The following EIF2AK1 variants were observed in gnomAD, a reference collection of about 807,000 sequenced individuals.
The protein encoded by EIF2AK1 is eukaryotic translation initiation factor 2 alpha kinase 1.
A neutral mutation model predicts 77.9 loss-of-function variants in EIF2AK1; 54 were observed. That is an observed-to-expected ratio of 0.69 (90% CI 0.56 to 0.87). The LOEUF (loss-of-function observed/expected upper bound fraction) is 0.87. Ranked by LOEUF, EIF2AK1 falls within the 40% of genes least tolerant of loss-of-function variation. The pLI, the probability that EIF2AK1 is intolerant of heterozygous loss-of-function variation, is 0.00. For missense variants in EIF2AK1, 810 were observed against 768.6 expected (o/e 1.05, Z -0.64); for synonymous variants, 314 against 290.5 (o/e 1.08, Z -0.82).
intron 11 of EIF2AK1, chr7:6,031,233 C>T: frequency 1.3e-6 from 1 of 799,940 alleles, no homozygotes; most frequent in Non-Finnish European, 2.0e-6. Context: ...CGCTTGGTTC[C>T]AAACTGATGG....
Position 6,041,081 on chromosome 7 carries a change from A to G in EIF2AK1, c.930T>C (p.Asn310=), listed in dbSNP as rs1788283118. The change falls in exon 9 of 15, where the codon AAT becomes AAC. Residue 310 remains asparagine (N), a synonymous_variant. Transcript: ENST00000199389. Reference sequence around the variant, plus strand: ...GTTCACCAGATTCTCTTATGACTAAATTGGTGGTGTACTTCACCGACTTGT... The same window carrying G: ...GTTCACCAGATTCTCTTATGACTAAGTTGGTGGTGTACTTCACCGACTTGT... The part of the protein sequence containing the change: ...QNNKSVKYTT[N]LVIRESGELE... The G allele has an allele frequency of 6.2e-7, 1 of 1,613,964 alleles. No homozygotes were observed. The highest frequency in any genetic ancestry group is 1.7e-5 in the Admixed American group (1 of 59,984).
intron 12 of EIF2AK1, 49 bp downstream of exon 12, chr7:6,028,869 C>A: frequency 3.3e-6 from 5 of 1,494,554 alleles, no homozygotes; most frequent in Non-Finnish European, 4.6e-6. Context: ...ACATGTGCAA[C>A]CATGTCTTTT....
At chr7:6,030,932 G>A (rs17136342) in intron 11 of EIF2AK1, among the ~76,000 whole-genome samples, 32,310 of 152,018 alleles carry the variant, frequency 0.21, 3,687 homozygotes, top group Middle Eastern at 0.33. Flanking sequence ...TTCCTATGCC[G>A]GAGAAAAACT....
rs927097296 is a variant in EIF2AK1 at position 6,036,710 on chromosome 7, T to C, written c.1332+714A>G. On this transcript the variant is annotated intron_variant, in intron 11 of 14. Coordinates refer to ENST00000199389, the MANE Select transcript of EIF2AK1 (RefSeq NM_014413.4). The surrounding 1 kb of genome is among the most constrained non-coding windows in gnomAD (Gnocchi z 4.6). ...TTTGTGGATAAAAATCAAATAGTCA[T>C]TATAGACTTTTCTAAAACAGCAAAA... Among the ~76,000 whole-genome samples the C allele has an allele frequency of 3.3e-5, 5 of 152,124 alleles. No individual in the cohort carries two copies. The highest frequency in any genetic ancestry group is 1.2e-4 in the African/African-American group (5 of 41,430).
In EIF2AK1 at chr7:6,035,536, G is replaced by A. The variant is rs774965410; in HGVS notation, c.1332+1888C>T. On this transcript the variant is annotated intron_variant, in intron 11 of 14. Coordinates refer to ENST00000199389, the MANE Select transcript of EIF2AK1 (RefSeq NM_014413.4). This position sits in a 1 kb window ranked among gnomAD's most constrained non-coding sequence, Gnocchi z 5.5. ...GCAAAACCAGGCAACAGAACGCACA[G>A]GATCCTGACAGACATTCAGAATAGC... 1 of 1,551,212 alleles carries A rather than the reference G, an allele frequency of 6.4e-7. No individual in the cohort carries two copies. Among genetic ancestry groups the A allele is most frequent in the South Asian group, 1.2e-5 (1 of 84,052 alleles).
At chr7:6,058,342 A>T (rs1385909730) in intron 1 of EIF2AK1, 2 of 347,604 alleles carry the variant, frequency 5.8e-6, no homozygotes, top group Non-Finnish European at 1.1e-5. Context: ...ACTTGAGCCC[A>T]GGAGTTGGAG....
intron 1 of EIF2AK1, among the ~76,000 whole-genome samples, chr7:6,056,613 A>AAAAATATATATATATATATATATAT: frequency 2.3e-5 from 1 of 43,738 alleles, no homozygotes; most frequent in Non-Finnish European, 4.7e-5. Flanking sequence ...AAAAAAAAAA[A>AAAAATATATATATATATATATATAT]ATATATATAT....
At chr7:6,045,134 G>A (rs1788410079) in intron 6 of EIF2AK1, among the ~76,000 whole-genome samples, 1 of 149,760 alleles carries the variant, frequency 6.7e-6, no homozygotes, top group South Asian at 2.1e-4. Context: ...TTGAGACAGA[G>A]TCTCACTCTG....
Position 6,023,298 on chromosome 7 carries a change from T to C in EIF2AK1, c.*1375A>G. On this transcript the variant is annotated 3_prime_UTR_variant, in exon 15 of 15. Coordinates refer to ENST00000199389, the MANE Select transcript of EIF2AK1 (RefSeq NM_014413.4). ...GATGCTACCTGGCGTGTTTTTTCTT[T>C]TCAGTGCCGAAGACGCAGATGAAAT... 3 of 1,584,882 alleles carry C rather than the reference T, an allele frequency of 1.9e-6. No homozygotes were observed. Among genetic ancestry groups the C allele is most frequent in the South Asian group, 2.3e-5 (2 of 86,722 alleles).
chr7:6,028,115 TG>T, intron 13 of EIF2AK1: 2 of 347,344 alleles, frequency 5.8e-6, no homozygotes, highest in Non-Finnish European at 1.1e-5. Flanking sequence ...GATTTTGAAA[TG>T]GTAAAGTAGG....
At position 6,041,054 on chromosome 7, in the gene EIF2AK1, A is replaced by G; in HGVS notation, c.957T>C (p.Leu319=). Residue 319 remains leucine, a synonymous_variant, in exon 9 of 15, where the codon CTT becomes CTC. Transcript: ENST00000199389. ...TTTCCTGGAGCTCCAGGGTCGACTC[A>G]AGTTCACCAGATTCTCTTATGACTA... The part of the protein sequence containing the change: ...TNLVIRESGE[L]ESTLELQENG... 3 of 1,614,090 alleles carry G rather than the reference A, an allele frequency of 1.9e-6. No homozygotes were observed. Among genetic ancestry groups the G allele is most frequent in the Non-Finnish European group, 2.5e-6 (3 of 1,180,004 alleles).
intron 2 of EIF2AK1, among the ~76,000 whole-genome samples, chr7:6,052,447 T>C (rs1405711463): frequency 1.3e-5 from 2 of 151,770 alleles, no homozygotes; most frequent in Non-Finnish European, 2.9e-5. Context: ...CAAGAAGCAG[T>C]AGGTGTACAA....
intron 2 of EIF2AK1, 37 bp from the exon 3 acceptor site, chr7:6,050,082 T>G (rs752569565): frequency 6.4e-7 from 1 of 1,558,918 alleles, no homozygotes; most frequent in Non-Finnish European, 8.7e-7. Flanking sequence ...ATTAGAAACA[T>G]CTTTAATAAA....
rs1179680042 is a variant in EIF2AK1 at position 6,040,896 on chromosome 7, G to GCAGACAGAGGTTGACATTT, written c.1114_1115insAAATGTCAACCTCTGTCTG (p.Thr372LysfsTer23). On this transcript the variant is annotated frameshift_variant, in exon 9 of 15. Coordinates refer to ENST00000199389, the MANE Select transcript of EIF2AK1 (RefSeq NM_014413.4). LOFTEE classifies it high-confidence loss of function. ...GGGTCTGGGAAAGTAATCTACCTCT[G>GCAGACAGAGGTTGACATTT]TCTGACCCAAAAAGTTGACATTTTC... 1.2e-6 allele frequency: 2 copies of GCAGACAGAGGTTGACATTT among 1,613,594 alleles called. No homozygotes were observed. The highest frequency in any genetic ancestry group is 2.7e-5 in the African/African-American group (2 of 74,876).
intron 1 of EIF2AK1, among the ~76,000 whole-genome samples, chr7:6,055,704 G>A (rs2128892423): frequency 6.6e-6 from 1 of 151,682 alleles, no homozygotes; most frequent in South Asian, 2.1e-4. Context: ...AACCTAGCTG[G>A]GCACAGTGGC....
At chr7:6,054,401 G>A (rs554424986) in intron 2 of EIF2AK1, 145 bp downstream of exon 2, 11 of 800,056 alleles carry the variant, frequency 1.4e-5, no homozygotes, top group South Asian at 6.3e-5. Context: ...AGGGGGTTTC[G>A]TCATGTTAGC....
rs551991211 is a variant in EIF2AK1, at chr7:6,043,014, A to G, written c.731-21T>C. On this transcript the variant is annotated intron_variant, in intron 7 of 14. Coordinates refer to ENST00000199389, the MANE Select transcript of EIF2AK1 (RefSeq NM_014413.4). ...GTCTGCTGAATGAAAACAAACAACA[A>G]TCATCTTCAAACAGCCCAGTTTTTC... The G allele has an allele frequency of 3.5e-5, 56 of 1,612,572 alleles. No homozygotes were observed. In the East Asian group the frequency reaches 1.2e-3, roughly 34 times the overall value.
At chr7:6,054,393 G>C (rs1324328575) in intron 2 of EIF2AK1, among the ~76,000 whole-genome samples, 153 bp downstream of exon 2, 1 of 151,960 alleles carries the variant, frequency 6.6e-6, no homozygotes, top group Non-Finnish European at 1.5e-5. Flanking sequence ...GAGTAAAGAG[G>C]GGGTTTCGTC....
At position 6,032,919 on chromosome 7, in the gene EIF2AK1, T is replaced by G. The variant is rs1787958580; in HGVS notation, c.1333-3887A>C. The G allele has an allele frequency of 2.6e-6, 4 of 1,550,740 alleles. No individual in the cohort carries two copies. The South Asian group carries it at 4.8e-5, about 18-fold the overall frequency. ...GTCTGCTCTGCCTGTTACGGCACGG[T>G]GCTGACCCAGAAGTCAGGTAAGTTA... On this transcript the variant is annotated intron_variant, in intron 11 of 14. Transcript: ENST00000199389. This position sits in a 1 kb window ranked among gnomAD's most constrained non-coding sequence, Gnocchi z 4.3.
Sources: gnomAD v4.1 joint callset for allele counts (sites outside exome capture counted in the v4.1 genomes callset) on GRCh38, gnomAD v4.1.1 for gene constraint, Gnocchi (gnomAD v3.1) non-coding constraint, MANE v1.5 for transcripts, NCBI Gene and HGNC (gene_info 2026-07-23, HGNC 2026-07-21) for gene names.